The following EML5 variants were observed in gnomAD, a reference collection of about 807,000 sequenced individuals.
EML5 encodes the protein EMAP like 5, also known as echinoderm microtubule-associated protein-like 5.
In EML5, 120 loss-of-function variants were observed where a neutral mutation model predicts 250.0. That is an observed-to-expected ratio of 0.48 (90% confidence interval 0.41 to 0.56). EML5 has a LOEUF of 0.56. Among genes scored for constraint, EML5 ranks in the 20% least tolerant of loss-of-function variants. The pLI is 0.00. For synonymous variants in EML5, 771 were observed against 806.5 expected, an observed-to-expected ratio of 0.96 and a Z score of 0.75; for missense variants, 2,006 against 2,437.6, an observed-to-expected ratio of 0.82 and a Z score of 3.73.
intron 16 of EML5, 87 bp downstream of exon 16, chr14:88,695,274 G>T: frequency 1.0e-6 from 1 of 989,498 alleles, no homozygotes; most frequent in Non-Finnish European, 1.5e-6. Context: ...ATATTTGCTT[G>T]ATTTCAAAAT....
chr14:88,650,165 T>C (rs1271258286), intron 27 of EML5, among the ~76,000 whole-genome samples: 1 of 152,180 alleles, frequency 6.6e-6, no homozygotes, highest in Non-Finnish European at 1.5e-5. Context: ...TATAAAAACA[T>C]TTATTGGCTG....
intron 8 of EML5, among the ~76,000 whole-genome samples, chr14:88,723,405 A>T (rs949974021): frequency 1.3e-5 from 2 of 152,216 alleles, no homozygotes; most frequent in African/African-American, 4.8e-5. Context: ...AAAAAAGTCA[A>T]ACATAGCAGA....
chr14:88,747,119 CA>C (rs1042221205), intron 2 of EML5, among the ~76,000 whole-genome samples: 18 of 145,698 alleles, frequency 1.2e-4, no homozygotes, highest in East Asian at 2.0e-4. Context: ...AACAAACAAA[CA>C]AAAAAAAAAG....
chr14:88,777,627 A>G (rs1284650678), intron 1 of EML5, among the ~76,000 whole-genome samples: 2 of 152,202 alleles, frequency 1.3e-5, no homozygotes, highest in African/African-American at 2.4e-5. Context: ...TAATAACTAC[A>G]ACAACTTTTT....
rs192648596 is a variant in EML5, at chr14:88,675,759, C to T, written c.3124+6131G>A. Among the ~76,000 whole-genome samples, 58 of 152,252 alleles carry T rather than the reference C, an allele frequency of 3.8e-4. 1 individual carries two copies. Among genetic ancestry groups the T allele is most frequent in the African/African-American group, 1.3e-3 (56 of 41,544 alleles). Reference sequence around the variant, plus strand: ...TTCCTGAACTTTTATGCTCTGGTTCCCTTTAAAAACTGAATACTTTAAACA... The same window carrying T: ...TTCCTGAACTTTTATGCTCTGGTTCTCTTTAAAAACTGAATACTTTAAACA... On this transcript the variant is annotated intron_variant, in intron 21 of 43. Transcript: ENST00000554922.
intron 1 of EML5, among the ~76,000 whole-genome samples, chr14:88,786,392 T>C (rs2094551443): frequency 2.0e-5 from 3 of 152,246 alleles, no homozygotes; most frequent in Admixed American, 2.0e-4. Context: ...GGCAATTTTA[T>C]CTGTTTGGTT....
intron 22 of EML5, 138 bp downstream of exon 22, chr14:88,665,199 A>T: frequency 1.1e-6 from 1 of 883,718 alleles, no homozygotes; most frequent in Non-Finnish European, 1.7e-6. Flanking sequence ...CAGGGCTTTT[A>T]CCTCTTGCTA....
chr14:88,759,175 GA>G (rs67626385), intron 1 of EML5, among the ~76,000 whole-genome samples: 25,855 of 151,542 alleles, frequency 0.17, 2,914 homozygotes, highest in African/African-American at 0.31. Flanking sequence ...TTTAAAAAGT[GA>G]AAAAAAATAC....
At chr14:88,708,012 T>G (rs1333731952) in intron 10 of EML5, among the ~76,000 whole-genome samples, 1 of 152,206 alleles carries the variant, frequency 6.6e-6, no homozygotes, top group Non-Finnish European at 1.5e-5. Context: ...TATCTCAGCA[T>G]CTGATCTGCC....
rs971604283 is a variant in EML5 at position 88,619,029 on chromosome 14, A to G, written c.5376-217T>C. ...TACTTAAATTTTAAATATTTCCCCA[A>G]TTGTCATCTCCCAATTCCTTTAAAA... On this transcript the variant is annotated intron_variant, in intron 39 of 43. Coordinates refer to ENST00000554922, the MANE Select transcript of EML5 (RefSeq NM_183387.3). 9 of 392,692 alleles carry G rather than the reference A, an allele frequency of 2.3e-5. No homozygotes were observed. In the Admixed American group the frequency reaches 3.4e-4, roughly 15 times the overall value. 24.3% of individuals were successfully genotyped at this position (392,692 alleles called of 1,614,324 possible).
chr14:88,625,159 T>G, intron 35 of EML5, 32 bp from the exon 36 acceptor site: 1 of 1,609,362 alleles, frequency 6.2e-7, no homozygotes, highest in Non-Finnish European at 8.5e-7. Flanking sequence ...GGAGACAAAC[T>G]CATCAAAAGT....
chr14:88,758,177 T>C (rs1450637256), intron 1 of EML5, among the ~76,000 whole-genome samples: 1 of 151,360 alleles, frequency 6.6e-6, no homozygotes, highest in African/African-American at 2.4e-5. Flanking sequence ...AATATACATA[T>C]ATATACATAT....
chr14:88,762,233 A>G lies in EML5; in HGVS notation c.198-7562T>C, dbSNP rs527879741. 2.6e-5 allele frequency among the ~76,000 whole-genome samples: 4 copies of G among 152,264 alleles called. No homozygotes were observed. In the South Asian group the frequency reaches 8.3e-4, roughly 32 times the overall value. On this transcript the variant is annotated intron_variant, in intron 1 of 43. Coordinates refer to ENST00000554922, the MANE Select transcript of EML5 (RefSeq NM_183387.3). ...TAAGAAACTTACAAAGACACGGGCC[A>G]TGCGTAGTGGCTCACACCTGTAATC...
intron 13 of EML5, among the ~76,000 whole-genome samples, chr14:88,703,585 C>G (rs1423837314): frequency 6.6e-6 from 1 of 152,070 alleles, no homozygotes; most frequent in Non-Finnish European, 1.5e-5. Flanking sequence ...CATTTTAACA[C>G]TAGAGAAAAA....
chr14:88,744,845 G>T (rs2093981125), intron 3 of EML5, among the ~76,000 whole-genome samples: 1 of 151,924 alleles, frequency 6.6e-6, no homozygotes, highest in South Asian at 2.1e-4. Flanking sequence ...ATACTAAAAT[G>T]TACACTTCAC....
chr14:88,718,139 A>G (rs2093531364), intron 8 of EML5, among the ~76,000 whole-genome samples: 2 of 152,180 alleles, frequency 1.3e-5, no homozygotes, highest in Admixed American at 1.3e-4. Flanking sequence ...TACGGCCCAT[A>G]GACAGATGAT....
chr14:88,726,131 T>C (rs546223694), intron 8 of EML5, among the ~76,000 whole-genome samples: 1 of 152,280 alleles, frequency 6.6e-6, no homozygotes, highest in East Asian at 1.9e-4. Flanking sequence ...GATGGAAGCA[T>C]TTTTTAAAGC....
rs1401786830 is a variant in EML5, at chr14:88,625,066, A to G, written c.4802T>C (p.Leu1601Ser). ...GTGAGCTCTCGCCACGATTCTACAC[A>G]ATATGTGATCTTTCCACACACAGAC... ...GDVCVWKDHI[L>S]CRIVARAHNG... Residue 1601 changes from leucine (L) to serine (S), a missense_variant, in exon 36 of 44, where the codon TTG (leucine) becomes TCG (serine). By Grantham distance (145) the Leu-to-Ser change is moderately radical. Coordinates refer to ENST00000554922, the MANE Select transcript of EML5 (RefSeq NM_183387.3). 1.2e-6 allele frequency: 2 copies of G among 1,613,912 alleles called. No individual in the cohort carries two copies. Among genetic ancestry groups the G allele is most frequent in the Non-Finnish European group, 1.7e-6 (2 of 1,179,856 alleles).
intron 21 of EML5, among the ~76,000 whole-genome samples, chr14:88,671,868 T>C (rs751011723): frequency 5.9e-5 from 9 of 152,304 alleles, no homozygotes; most frequent in Middle Eastern, 6.8e-3. Context: ...TAAATATACA[T>C]GCACCCAGTT....
Sources: gnomAD v4.1 joint callset for allele counts (sites outside exome capture counted in the v4.1 genomes callset) on GRCh38, gnomAD v4.1.1 for gene constraint, MANE v1.5 for transcripts, NCBI Gene and HGNC (gene_info 2026-07-23, HGNC 2026-07-21) for gene names.